The following CAPZA1 variants were observed in gnomAD, a reference collection of about 807,000 sequenced individuals.
The protein encoded by CAPZA1 is F-actin-capping protein subunit alpha-1.
In CAPZA1, 10 loss-of-function variants were observed where a neutral mutation model predicts 40.8. That is an observed-to-expected ratio of 0.25 (90% confidence interval 0.15 to 0.42). The LOEUF is 0.42. Among genes scored for constraint, CAPZA1 ranks in the 10% least tolerant of loss-of-function variants. The pLI is 1.00. For synonymous variants in CAPZA1, 98 were observed against 115.0 expected, an observed-to-expected ratio of 0.85 and a Z score of 0.95; for missense variants, 277 against 353.8, an observed-to-expected ratio of 0.78 and a Z score of 1.74.
At chr1:112,646,759 A>C (rs1671288735) in intron 1 of CAPZA1, 1 of 148,396 alleles carries the variant, frequency 6.7e-6, no homozygotes, top group African/African-American at 2.5e-5. Flanking sequence ...TTTCAGCATG[A>C]GTTGAGATGA....
chr1:112,667,051 G>C (rs1311651325), intron 7 of CAPZA1, 23 bp from the exon 8 acceptor site: 1 of 1,579,770 alleles, frequency 6.3e-7, no homozygotes, highest in Admixed American at 1.8e-5. Flanking sequence ...CCCCTAAAAA[G>C]GCTCAAACAT....
At chr1:112,638,933 T>G (rs1299337225) in intron 1 of CAPZA1, among the ~76,000 whole-genome samples, 1 of 134,248 alleles carries the variant, frequency 7.4e-6, no homozygotes, top group East Asian at 2.2e-4. Context: ...TAGATATAGA[T>G]ATAGGTATAG....
chr1:112,655,517 A>T (rs1671480962), intron 5 of CAPZA1, among the ~76,000 whole-genome samples: 1 of 151,784 alleles, frequency 6.6e-6, no homozygotes, highest in South Asian at 2.1e-4. Flanking sequence ...ATTTTTTTTT[A>T]ATCAGGAGTG....
chr1:112,635,233 C>T (rs1670992312), intron 1 of CAPZA1, among the ~76,000 whole-genome samples: 1 of 151,946 alleles, frequency 6.6e-6, no homozygotes, highest in South Asian at 2.1e-4. Flanking sequence ...TTAGACAGAC[C>T]AAGATAGGGA....
intron 1 of CAPZA1, among the ~76,000 whole-genome samples, chr1:112,623,292 T>G (rs1187130533): frequency 6.6e-6 from 1 of 152,242 alleles, no homozygotes; most frequent in Non-Finnish European, 1.5e-5. Context: ...TGTGGCTGTT[T>G]TCTAACAAGT....
chr1:112,640,481 A>T, intron 1 of CAPZA1, among the ~76,000 whole-genome samples: 1 of 116,254 alleles, frequency 8.6e-6, no homozygotes, highest in Non-Finnish European at 1.7e-5. Context: ...CCAGTCCGGG[A>T]GGGAGGTGGG....
intron 1 of CAPZA1, among the ~76,000 whole-genome samples, chr1:112,639,190 T>C (rs1182395370): frequency 6.6e-6 from 1 of 152,066 alleles, no homozygotes; most frequent in Non-Finnish European, 1.5e-5. Context: ...TAGGATTCCA[T>C]GTTGGCATCT....
intron 1 of CAPZA1, among the ~76,000 whole-genome samples, chr1:112,643,013 T>A (rs1237159166): frequency 6.6e-6 from 1 of 152,140 alleles, no homozygotes; most frequent in Middle Eastern, 3.2e-3. Context: ...AGTTTTATAA[T>A]TATGTAAAGA....
Position 112,670,975 on chromosome 1 carries a change from T to G in CAPZA1, c.*843T>G, listed in dbSNP as rs1390180633. The G allele has an allele frequency of 6.6e-6, 1 of 152,668 alleles. No individual in the cohort carries two copies. Among genetic ancestry groups the G allele is most frequent in the Non-Finnish European group, 1.5e-5 (1 of 68,046 alleles). 9.5% of individuals were successfully genotyped at this position (152,668 alleles called of 1,614,324 possible). ...GATGTTGAAGGAATAATAGGTATCT[T>G]GTGCTTTAATACTTTATGGCAGGAT... On this transcript the variant is annotated 3_prime_UTR_variant, in exon 10 of 10. Coordinates refer to ENST00000263168, the MANE Select transcript of CAPZA1 (RefSeq NM_006135.3).
intron 1 of CAPZA1, among the ~76,000 whole-genome samples, chr1:112,624,017 AAAAGAAAAAAG>A (rs1187571469): frequency 1.2e-4 from 17 of 144,926 alleles, no homozygotes; most frequent in South Asian, 4.3e-4. Context: ...AAAAAAAAAA[AAAAGAAAAAAG>A]AAAAGAAAAA....
At chr1:112,666,982 C>T (rs747657366) in intron 7 of CAPZA1, 92 bp from the exon 8 acceptor site, 6 of 844,242 alleles carry the variant, frequency 7.1e-6, no homozygotes, top group Non-Finnish European at 1.1e-5. Flanking sequence ...GGCTCATCAA[C>T]TTAAAGATAG....
chr1:112,640,493 G>T (rs1379579575), intron 1 of CAPZA1, among the ~76,000 whole-genome samples: 2 of 136,468 alleles, frequency 1.5e-5, no homozygotes, highest in Non-Finnish European at 3.2e-5. Context: ...GGAGGTGGGG[G>T]GGTCAGCCCC....
At chr1:112,635,645 C>CA (rs1670999756) in intron 1 of CAPZA1, among the ~76,000 whole-genome samples, 1 of 151,900 alleles carries the variant, frequency 6.6e-6, no homozygotes, top group Non-Finnish European at 1.5e-5. Flanking sequence ...CCCTGTTAGC[C>CA]AGCTGGTCTT....
intron 1 of CAPZA1, among the ~76,000 whole-genome samples, chr1:112,639,860 G>A (rs1671100702): frequency 6.7e-6 from 1 of 148,902 alleles, no homozygotes; most frequent in Admixed American, 6.7e-5. Context: ...GTCCGGGAGG[G>A]AGGTGGGGGG....
intron 8 of CAPZA1, among the ~76,000 whole-genome samples, chr1:112,668,931 A>C (rs1389505688): frequency 6.6e-6 from 1 of 152,162 alleles, no homozygotes; most frequent in Non-Finnish European, 1.5e-5. Flanking sequence ...AATAGTTTTG[A>C]CCTCATAGTC....
chr1:112,650,376 C>G (rs1671360734), intron 3 of CAPZA1, among the ~76,000 whole-genome samples: 1 of 152,300 alleles, frequency 6.6e-6, no homozygotes, highest in East Asian at 1.9e-4. Flanking sequence ...AGAATTTGCA[C>G]AGCTTTACTG....
intron 7 of CAPZA1, among the ~76,000 whole-genome samples, chr1:112,664,316 G>A (rs1212587589): frequency 6.6e-6 from 1 of 150,972 alleles, no homozygotes; most frequent in African/African-American, 2.4e-5. Flanking sequence ...AAGTCTTTTT[G>A]TTGCAAATAG....
Position 112,670,354 on chromosome 1 carries a change from CTTTTTTTCTTTTT to C in CAPZA1, c.*230_*242del. The C allele has an allele frequency of 7.7e-6, 1 of 130,142 alleles. No individual in the cohort carries two copies. Among genetic ancestry groups the C allele is most frequent in the African/African-American group, 4.7e-5 (1 of 21,352 alleles). The allele number at this position is 130,142 out of a possible 1,614,324, so 8.1% of individuals were successfully genotyped here. The stretch of plus-strand genomic sequence containing the variant: ...GTTACTGCTATATCTACGTGTAAAT[CTTTTTTTCTTTTT>C]TTTTTTTTTTTTTTGGTTAATTCTG... On this transcript the variant is annotated 3_prime_UTR_variant, in exon 10 of 10. Coordinates refer to ENST00000263168, the MANE Select transcript of CAPZA1 (RefSeq NM_006135.3).
chr1:112,619,948 C>A, intron 1 of CAPZA1, 65 bp downstream of exon 1: 2 of 1,340,342 alleles, frequency 1.5e-6, no homozygotes, highest in African/African-American at 1.4e-5. Flanking sequence ...GGCCCGGCTG[C>A]GTTGGGAGCC....
Sources: allele counts gnomAD v4.1 joint callset (sites outside exome capture counted in the v4.1 genomes callset), GRCh38; gene constraint gnomAD v4.1.1; transcripts MANE v1.5; gene names NCBI Gene and HGNC (gene_info 2026-07-23, HGNC 2026-07-21).